GMFB: variants seen among roughly 807,000 people sequenced by gnomAD.
GMFB encodes GMF-beta.
A neutral mutation model predicts 25.6 loss-of-function variants in GMFB; 13 were observed. That is an observed-to-expected ratio of 0.51 (90% CI 0.33 to 0.81). The LOEUF is 0.81. Ranked by LOEUF, GMFB falls within the 30% of genes least tolerant of loss-of-function variation. GMFB has a pLI of 0.02. For synonymous variants in GMFB, 57 were observed against 56.9 expected (o/e 1.00, Z 0.00); for missense variants, 146 against 175.4 (o/e 0.83, Z 0.95).
rs2031644451 is a variant in GMFB at position 54,476,671 on chromosome 14, T to C, written c.*1417A>G. 1 of 152,002 alleles carries C rather than the reference T, an allele frequency of 6.6e-6. No homozygotes were observed. Among genetic ancestry groups the C allele is most frequent in the South Asian group, 2.1e-4 (1 of 4,822 alleles). The allele number at this position is 152,002 out of a possible 1,614,324, so 9.4% of individuals were successfully genotyped here. A position where few individuals can be genotyped will look rare whatever the true frequency, so the allele number is the denominator to read the frequency against. On this transcript the variant is annotated 3_prime_UTR_variant, in exon 7 of 7. Transcript: ENST00000358056. ...CAATATCGCAAAAATTCCAACTATC[T>C]TTACTTCTCACAGAAACCTCAAAAA...
chr14:54,479,680 A>T, intron 6 of GMFB, 106 bp downstream of exon 6: 1 of 638,088 alleles, frequency 1.6e-6, no homozygotes. Context: ...TCTGGTCTAA[A>T]TAACCTTCAC....
At chr14:54,486,376 G>C (rs185865565) in intron 1 of GMFB, among the ~76,000 whole-genome samples, 310 of 152,236 alleles carry the variant, frequency 2.0e-3, no homozygotes, top group African/African-American at 7.3e-3. Context: ...GAAAACACTG[G>C]GCAATTGCTT....
At chr14:54,483,140 C>T (rs2031735353) in intron 2 of GMFB, 2 of 153,234 alleles carry the variant, frequency 1.3e-5, no homozygotes, top group South Asian at 2.0e-4. Flanking sequence ...TGCATAATGT[C>T]AGATATAGCT....
At position 54,482,209 on chromosome 14, in the gene GMFB, T is replaced by G. The variant is rs752765145; in HGVS notation, c.101-7A>C. The stretch of plus-strand genomic sequence containing the variant: ...TTATCCTTGTCAATCTTCACTAAAA[T>G]AAAAATCAAGTATGAGTAAGCTGGG... On this transcript the variant is annotated splice_region_variant and splice_polypyrimidine_tract_variant and intron_variant, in intron 2 of 6. Transcript: ENST00000358056. 14 of 1,593,210 alleles carry G rather than the reference T, an allele frequency of 8.8e-6. No homozygotes were observed. Among genetic ancestry groups the G allele is most frequent in the Non-Finnish European group, 1.2e-5 (14 of 1,161,408 alleles).
At chr14:54,488,013 T>A (rs2031811831) in intron 1 of GMFB, among the ~76,000 whole-genome samples, 1 of 152,000 alleles carries the variant, frequency 6.6e-6, no homozygotes, top group African/African-American at 2.4e-5. Context: ...CAAGAGAGTA[T>A]AACACTCTGG....
intron 6 of GMFB, 52 bp from the exon 7 acceptor site, chr14:54,478,211 T>C (rs1436286326): frequency 3.2e-6 from 2 of 628,296 alleles, no homozygotes; most frequent in East Asian, 3.1e-5. Context: ...AAAAAAAAAG[T>C]CAAATATTTG....
At chr14:54,481,328 T>C (rs1057026761) in intron 4 of GMFB, 81 bp downstream of exon 4, 3 of 899,218 alleles carry the variant, frequency 3.3e-6, no homozygotes, top group East Asian at 4.9e-5. Context: ...AAGGATACTT[T>C]TAGATGTTTA....
Position 54,476,396 on chromosome 14 carries a change from T to G in GMFB, c.*1692A>C, listed in dbSNP as rs1490658745. ...AACATTAAAAACACTCTCCACTCAC[T>G]TGGATTACATGTGCATTCCTACAGA... On this transcript the variant is annotated 3_prime_UTR_variant, in exon 7 of 7. Coordinates refer to ENST00000358056, the MANE Select transcript of GMFB (RefSeq NM_004124.3). The G allele has an allele frequency of 1.3e-5, 2 of 152,072 alleles. No homozygotes were observed. Among genetic ancestry groups the G allele is most frequent in the African/African-American group, 4.8e-5 (2 of 41,444 alleles). 9.4% of individuals were successfully genotyped at this position (152,072 alleles called of 1,614,324 possible).
chr14:54,479,540 G>T, intron 6 of GMFB: 1 of 402,472 alleles, frequency 2.5e-6, no homozygotes, highest in Non-Finnish European at 4.5e-6. Flanking sequence ...TAGTTACAGT[G>T]GCTTTCTAAC....
chr14:54,484,263 G>A (rs1242364106), intron 1 of GMFB, among the ~76,000 whole-genome samples: 1 of 151,822 alleles, frequency 6.6e-6, no homozygotes, highest in African/African-American at 2.4e-5. Flanking sequence ...CCCCATAAGA[G>A]TAAAGACCAA....
Position 54,477,531 on chromosome 14 carries a change from T to C in GMFB, c.*557A>G, listed in dbSNP as rs997728171. Reference sequence around the variant, plus strand: ...CTTAAAAATGAGTGACTGATGAACATAGTTTCTAGACTTGATTAAAAAGAT... The same window carrying C: ...CTTAAAAATGAGTGACTGATGAACACAGTTTCTAGACTTGATTAAAAAGAT... On this transcript the variant is annotated 3_prime_UTR_variant, in exon 7 of 7. Coordinates refer to ENST00000358056, the MANE Select transcript of GMFB (RefSeq NM_004124.3). 3 of 152,026 alleles carry C rather than the reference T, an allele frequency of 2.0e-5. No homozygotes were observed. The highest frequency in any genetic ancestry group is 7.2e-5 in the African/African-American group (3 of 41,424). The allele number at this position is 152,026 out of a possible 1,614,324, so 9.4% of individuals were successfully genotyped here. A position where few individuals can be genotyped will look rare whatever the true frequency, so the allele number is the denominator to read the frequency against.
At chr14:54,478,267 G>C (rs948331056) in intron 6 of GMFB, 108 bp from the exon 7 acceptor site, 19 of 471,952 alleles carry the variant, frequency 4.0e-5, no homozygotes, top group Non-Finnish European at 7.2e-5. Flanking sequence ...ACTATTTTTG[G>C]TTATATATTT....
At chr14:54,481,502 A>G (rs562381112) in intron 3 of GMFB, 44 bp from the exon 4 acceptor site, 13 of 1,333,420 alleles carry the variant, frequency 9.7e-6, no homozygotes, top group African/African-American at 4.3e-5. Context: ...TTTCTTACCC[A>G]TAAGTCCTTA....
At position 54,476,314 on chromosome 14, in the gene GMFB, T is replaced by C. The variant is rs2031639595; in HGVS notation, c.*1774A>G. On this transcript the variant is annotated 3_prime_UTR_variant, in exon 7 of 7. Coordinates refer to ENST00000358056, the MANE Select transcript of GMFB (RefSeq NM_004124.3). ...ATTAAAAAATACATTCTTGCAGCACTAGTTTCTCTTACTGCTGCAAAACAG... is the reference window on the plus strand; with the variant it reads ...ATTAAAAAATACATTCTTGCAGCACCAGTTTCTCTTACTGCTGCAAAACAG... The C allele has an allele frequency of 1.3e-5, 2 of 152,074 alleles. No homozygotes were observed. Among genetic ancestry groups the C allele is most frequent in the South Asian group, 4.1e-4 (2 of 4,830 alleles). 9.4% of individuals were successfully genotyped at this position (152,074 alleles called of 1,614,324 possible). A position where few individuals can be genotyped will look rare whatever the true frequency, so the allele number is the denominator to read the frequency against.
intron 3 of GMFB, 81 bp downstream of exon 3, chr14:54,482,072 A>C (rs2031718436): frequency 1.1e-6 from 1 of 872,936 alleles, no homozygotes; most frequent in Non-Finnish European, 1.9e-6. Flanking sequence ...TTCGTTTTAG[A>C]AGCATATGTA....
rs376093428 is a variant in GMFB, at chr14:54,479,904, A to G, written c.284-45T>C. 4 of 1,075,946 alleles carry G rather than the reference A, an allele frequency of 3.7e-6. No individual in the cohort carries two copies. In the East Asian group the frequency reaches 7.1e-5, roughly 19 times the overall value. The allele number at this position is 1,075,946 out of a possible 1,614,324, so 66.6% of individuals were successfully genotyped here. On this transcript the variant is annotated intron_variant, in intron 5 of 6. Coordinates refer to ENST00000358056, the MANE Select transcript of GMFB (RefSeq NM_004124.3). ...GTAGAAATGAGACACAGATTTTGAG[A>G]AAGGTATGGGTTATCATTATTTTTA... is the stretch of plus-strand genomic sequence containing the variant.
At position 54,483,658 on chromosome 14, in the gene GMFB, AC is replaced by A; in HGVS notation, c.100+12del. The A allele has an allele frequency of 7.4e-7, 1 of 1,356,232 alleles. No homozygotes were observed. The highest frequency in any genetic ancestry group is 1.1e-6 in the Non-Finnish European group (1 of 952,202). 84.0% of individuals were successfully genotyped at this position (1,356,232 alleles called of 1,614,324 possible). ...AAGACCATGTAACTTTGAGGCAATCACTTTTAGCTTACTTATAATAGCAGCG... is the reference window on the plus strand; with the variant it reads ...AAGACCATGTAACTTTGAGGCAATCATTTTAGCTTACTTATAATAGCAGCG... On this transcript the variant is annotated intron_variant, in intron 2 of 6. Transcript: ENST00000358056.
At chr14:54,488,592 T>G in intron 1 of GMFB, 1 of 315,648 alleles carries the variant, frequency 3.2e-6, no homozygotes, top group Admixed American at 5.0e-5. Context: ...GCAGACCCCT[T>G]TCCCTCCAAC....
At chr14:54,479,105 G>GAA (rs1428019063) in intron 6 of GMFB, 1 of 152,096 alleles carries the variant, frequency 6.6e-6, no homozygotes. Flanking sequence ...CACCCAAGGG[G>GAA]AAAATACTGA....
Sources: gnomAD v4.1 joint callset for allele counts (sites outside exome capture counted in the v4.1 genomes callset) on GRCh38, gnomAD v4.1.1 for gene constraint, MANE v1.5 for transcripts, NCBI Gene and HGNC (gene_info 2026-07-23, HGNC 2026-07-21) for gene names.